STX18: variants seen among roughly 807,000 people sequenced by gnomAD.
STX18 encodes the protein syntaxin 18.
A neutral mutation model predicts 50.1 loss-of-function variants in STX18; 40 were observed. That is an observed-to-expected ratio of 0.80 (90% CI 0.62 to 1.04). The LOEUF (loss-of-function observed/expected upper bound fraction) is 1.04, where lower values mean the gene tolerates loss of function less well. Among genes scored for constraint, STX18 ranks in the 50% least tolerant of loss-of-function variants. STX18 has a pLI of 0.00. For synonymous variants in STX18, 158 were observed against 151.8 expected (o/e 1.04, Z -0.30); for missense variants, 410 against 415.8 (o/e 0.99, Z 0.12).
At chr4:4,512,306 C>T (rs1297401899) in intron 1 of STX18, among the ~76,000 whole-genome samples, 1 of 151,914 alleles carries the variant, frequency 6.6e-6, no homozygotes, top group South Asian at 2.1e-4. Context: ...GGCCTCTGGA[C>T]TAAGAATAAT....
intron 2 of STX18, among the ~76,000 whole-genome samples, chr4:4,467,261 T>A (rs563179205): frequency 6.6e-6 from 1 of 152,256 alleles, no homozygotes; most frequent in South Asian, 2.1e-4. Flanking sequence ...AAGAAGGGCG[T>A]TTGTTTCCAA....
chr4:4,537,119 C>T (rs1032405807), intron 1 of STX18, among the ~76,000 whole-genome samples: 1 of 152,080 alleles, frequency 6.6e-6, no homozygotes, highest in East Asian at 1.9e-4. Flanking sequence ...GTGTGGTAGC[C>T]CCCCCTGGCT....
chr4:4,477,798 A>C (rs150025471), intron 1 of STX18: 98 of 152,320 alleles, frequency 6.4e-4, no homozygotes, highest in African/African-American at 2.1e-3. Flanking sequence ...CAATATCAAC[A>C]TCAACCTGCT....
intron 1 of STX18, among the ~76,000 whole-genome samples, chr4:4,493,518 GT>G (rs1432573751): frequency 6.6e-6 from 1 of 152,112 alleles, no homozygotes; most frequent in African/African-American, 2.4e-5. Context: ...AAAAAAAATT[GT>G]TTTTGTTTAG....
At chr4:4,525,204 T>G (rs1482936500) in intron 1 of STX18, among the ~76,000 whole-genome samples, 2 of 152,244 alleles carry the variant, frequency 1.3e-5, no homozygotes, top group Non-Finnish European at 1.5e-5. Flanking sequence ...GATAATTTAA[T>G]CTGGAGAAAG....
intron 1 of STX18, among the ~76,000 whole-genome samples, chr4:4,472,976 C>T (rs929753338): frequency 6.6e-6 from 1 of 152,192 alleles, no homozygotes; most frequent in African/African-American, 2.4e-5. Context: ...AGTATGGTCA[C>T]AATATTCATT....
At chr4:4,520,018 A>C (rs1458748066) in intron 1 of STX18, among the ~76,000 whole-genome samples, 1 of 152,200 alleles carries the variant, frequency 6.6e-6, no homozygotes, top group Non-Finnish European at 1.5e-5. Flanking sequence ...CCTGTTCATA[A>C]TTACAAATTC....
intron 1 of STX18, among the ~76,000 whole-genome samples, chr4:4,473,546 G>T (rs1035794380): frequency 5.3e-5 from 8 of 152,128 alleles, no homozygotes; most frequent in African/African-American, 9.7e-5. Flanking sequence ...GCCCGCCTCA[G>T]CCTCCCAAAG....
At chr4:4,486,178 A>G (rs887330742) in intron 1 of STX18, among the ~76,000 whole-genome samples, 5 of 152,176 alleles carry the variant, frequency 3.3e-5, no homozygotes, top group African/African-American at 1.2e-4. Context: ...TGTTCAATCA[A>G]TTTGAAAGCT....
intron 1 of STX18, among the ~76,000 whole-genome samples, chr4:4,506,274 C>CA (rs1173377271): frequency 6.6e-6 from 1 of 152,130 alleles, no homozygotes; most frequent in African/African-American, 2.4e-5. Context: ...TCATAATTGT[C>CA]AAAAACTAGA....
chr4:4,419,988 T>C lies in STX18; in HGVS notation c.*46A>G. Reference sequence around the variant, plus strand: ...TGGAAGTACATGAAAGCACGCAGTCTGTGAGTGCCCATGAGGACTCTCGTG... The same window carrying C: ...TGGAAGTACATGAAAGCACGCAGTCCGTGAGTGCCCATGAGGACTCTCGTG... On this transcript the variant is annotated 3_prime_UTR_variant, in exon 11 of 11. Transcript: ENST00000306200. The C allele has an allele frequency of 1.3e-6, 2 of 1,497,756 alleles. No homozygotes were observed. Among genetic ancestry groups the C allele is most frequent in the South Asian group, 1.2e-5 (1 of 84,494 alleles). The allele number at this position is 1,497,756 out of a possible 1,614,324, so 92.8% of individuals were successfully genotyped here. A position where few individuals can be genotyped will look rare whatever the true frequency, so the allele number is the denominator to read the frequency against.
At chr4:4,508,173 G>C (rs1049373279) in intron 1 of STX18, among the ~76,000 whole-genome samples, 2 of 152,198 alleles carry the variant, frequency 1.3e-5, no homozygotes, top group African/African-American at 4.8e-5. Context: ...CCTGCTTTTA[G>C]GACTTCAACT....
chr4:4,484,831 G>T (rs1728631288), intron 1 of STX18, among the ~76,000 whole-genome samples: 1 of 152,128 alleles, frequency 6.6e-6, no homozygotes, highest in Admixed American at 6.5e-5. Context: ...TCTTTTCTGT[G>T]TGCTTGGAAA....
At chr4:4,524,009 G>T (rs1730636262) in intron 1 of STX18, among the ~76,000 whole-genome samples, 1 of 152,128 alleles carries the variant, frequency 6.6e-6, no homozygotes, top group African/African-American at 2.4e-5. Flanking sequence ...GCACTTATTA[G>T]AACATGCTTT....
intron 2 of STX18, among the ~76,000 whole-genome samples, chr4:4,465,882 T>C (rs1383553705): frequency 6.6e-6 from 1 of 152,210 alleles, no homozygotes; most frequent in African/African-American, 2.4e-5. Flanking sequence ...ACAACCATGT[T>C]TGTGTTTGTT....
chr4:4,475,197 A>T (rs556136636), intron 1 of STX18, among the ~76,000 whole-genome samples: 46 of 152,324 alleles, frequency 3.0e-4, no homozygotes, highest in Admixed American at 8.5e-4. Flanking sequence ...TAGTCTAACA[A>T]ATGTGATCCC....
At chr4:4,533,726 A>G (rs1731206163) in intron 1 of STX18, among the ~76,000 whole-genome samples, 1 of 152,230 alleles carries the variant, frequency 6.6e-6, no homozygotes, top group South Asian at 2.1e-4. Flanking sequence ...AGAATTCACT[A>G]AAAACGTCAC....
intron 6 of STX18, among the ~76,000 whole-genome samples, chr4:4,436,775 G>A (rs1725799497): frequency 6.6e-6 from 1 of 152,046 alleles, no homozygotes; most frequent in Non-Finnish European, 1.5e-5. Flanking sequence ...ACCCTTCCAA[G>A]CTTACTCCCA....
chr4:4,499,543 G>T (rs1729338736), intron 1 of STX18: 1 of 985,262 alleles, frequency 1.0e-6, no homozygotes, highest in Non-Finnish European at 1.2e-6. Context: ...AGCAAGCCTA[G>T]CACTGATTAA....
Sources: gnomAD v4.1 joint callset for allele counts (sites outside exome capture counted in the v4.1 genomes callset) on GRCh38, gnomAD v4.1.1 for gene constraint, MANE v1.5 for transcripts, NCBI Gene and HGNC (gene_info 2026-07-23, HGNC 2026-07-21) for gene names.